The following PCSK2 variants were observed in gnomAD, a reference collection of about 807,000 sequenced individuals.
PCSK2 encodes the protein neuroendocrine convertase 2.
A neutral mutation model predicts 69.7 loss-of-function variants in PCSK2; 14 were observed. The ratio of observed to expected loss-of-function variants is 0.20; its 90% confidence interval spans 0.13 to 0.31. The LOEUF (loss-of-function observed/expected upper bound fraction) is 0.31. Among genes scored for constraint, PCSK2 ranks in the 10% least tolerant of loss-of-function variants. The probability of loss-of-function intolerance (pLI) is 1.00; values close to 1 mark genes in which losing one functional copy is unlikely to be tolerated. For missense variants in PCSK2, 544 were observed against 842.5 expected, an observed-to-expected ratio of 0.65 and a Z score of 4.39; for synonymous variants, 307 against 320.7, an observed-to-expected ratio of 0.96 and a Z score of 0.46.
At chr20:17,374,665 G>A (rs2030870168) in intron 5 of PCSK2, among the ~76,000 whole-genome samples, 2 of 152,084 alleles carry the variant, frequency 1.3e-5, no homozygotes, top group South Asian at 4.1e-4. Flanking sequence ...GAGTGGCCCA[G>A]AGAGCAAATT....
rs766423128 is a variant in PCSK2 at position 17,465,320 on chromosome 20, A to G, written c.1203-6A>G. The stretch of plus-strand genomic sequence containing the variant: ...TGCCCTCTTGCTCTCTGCTTCCTGT[A>G]TCCAGCCTGGGTCTGACCTGGCGGG... On this transcript the variant is annotated splice_region_variant and splice_polypyrimidine_tract_variant and intron_variant, in intron 10 of 11. Coordinates refer to ENST00000262545, the MANE Select transcript of PCSK2 (RefSeq NM_002594.5). 3.1e-6 allele frequency: 5 copies of G among 1,611,630 alleles called. No homozygotes were observed. The highest frequency in any genetic ancestry group is 4.2e-6 in the Non-Finnish European group (5 of 1,178,168).
At chr20:17,240,668 G>C in intron 1 of PCSK2, among the ~76,000 whole-genome samples, 1 of 152,198 alleles carries the variant, frequency 6.6e-6, no homozygotes, top group East Asian at 1.9e-4. Flanking sequence ...TGTGAGTGAG[G>C]CTGTATGTCA....
At chr20:17,352,192 A>C (rs987695653) in intron 2 of PCSK2, among the ~76,000 whole-genome samples, 1 of 152,240 alleles carries the variant, frequency 6.6e-6, no homozygotes, top group Non-Finnish European at 1.5e-5. Flanking sequence ...TGCTGAAAAA[A>C]GTCATAGATG....
At chr20:17,306,373 G>A (rs1989329044) in intron 2 of PCSK2, among the ~76,000 whole-genome samples, 1 of 152,094 alleles carries the variant, frequency 6.6e-6, no homozygotes, top group Non-Finnish European at 1.5e-5. Flanking sequence ...CCTGCATACA[G>A]ACTGATGCAG....
At chr20:17,322,120 A>G (rs1351684219) in intron 2 of PCSK2, among the ~76,000 whole-genome samples, 2 of 152,150 alleles carry the variant, frequency 1.3e-5, no homozygotes, top group Non-Finnish European at 2.9e-5. Flanking sequence ...CCCACAAAAG[A>G]AACCTGTTGA....
intron 7 of PCSK2, among the ~76,000 whole-genome samples, chr20:17,433,814 C>CTCCCCCCCCCTCTCTCT (rs1555795288): frequency 1.4e-5 from 1 of 70,838 alleles, no homozygotes; most frequent in Admixed American, 1.6e-4. Context: ...TCTCTCTCTC[C>CTCCCCCCCCCTCTCTCT]CCCCACTTCC....
chr20:17,282,414 A>G (rs1451632638), intron 2 of PCSK2, among the ~76,000 whole-genome samples: 7 of 152,180 alleles, frequency 4.6e-5, no homozygotes, highest in Non-Finnish European at 8.8e-5. Context: ...AAGAAGAAAT[A>G]TCGATTTATT....
intron 2 of PCSK2, among the ~76,000 whole-genome samples, chr20:17,313,056 G>A (rs1989566257): frequency 6.6e-6 from 1 of 151,944 alleles, no homozygotes; most frequent in Non-Finnish European, 1.5e-5. Flanking sequence ...TTTTCTAGTG[G>A]GCACATTTTA....
intron 2 of PCSK2, among the ~76,000 whole-genome samples, chr20:17,334,478 G>T (rs1990292079): frequency 6.6e-6 from 1 of 152,220 alleles, no homozygotes; most frequent in African/African-American, 2.4e-5. Context: ...AGTTAGTGGT[G>T]CTTCTCTCTC....
At chr20:17,463,220 A>G (rs914355008) in intron 10 of PCSK2, among the ~76,000 whole-genome samples, 6 of 152,226 alleles carry the variant, frequency 3.9e-5, no homozygotes, top group Admixed American at 6.5e-5. Context: ...CATCAGAAGT[A>G]CAGCCCATTT....
chr20:17,417,047 G>A (rs6044800), intron 6 of PCSK2, among the ~76,000 whole-genome samples: 124,187 of 152,028 alleles, frequency 0.82, 51,417 homozygotes, highest in African/African-American at 0.9. Flanking sequence ...TGGGGGAGGG[G>A]TAGCATTAGG....
chr20:17,348,725 T>C (rs2029886855), intron 2 of PCSK2, among the ~76,000 whole-genome samples: 2 of 152,188 alleles, frequency 1.3e-5, no homozygotes, highest in Admixed American at 6.5e-5. Context: ...TAGATGGCCG[T>C]CTTTTCCCTG....
intron 2 of PCSK2, among the ~76,000 whole-genome samples, chr20:17,268,033 G>GTATATATATATA (rs753655282): frequency 0.035 from 2,258 of 64,984 alleles, 54 homozygotes; most frequent in Non-Finnish European, 0.045. Context: ...TATCCAATGT[G>GTATATATATATA]TATATATATA....
At chr20:17,278,025 A>G (rs1376606092) in intron 2 of PCSK2, among the ~76,000 whole-genome samples, 5 of 152,172 alleles carry the variant, frequency 3.3e-5, no homozygotes, top group African/African-American at 1.2e-4. Flanking sequence ...ATGAGATACC[A>G]TCTCACACCA....
chr20:17,407,743 A>G (rs6080682), intron 5 of PCSK2, among the ~76,000 whole-genome samples: 112,784 of 151,902 alleles, frequency 0.74, 42,681 homozygotes, highest in African/African-American at 0.87. Context: ...AAAAACTGGC[A>G]ACTTGCCAGT....
intron 1 of PCSK2, among the ~76,000 whole-genome samples, chr20:17,244,446 C>T (rs1452665111): frequency 6.6e-6 from 1 of 152,194 alleles, no homozygotes; most frequent in Non-Finnish European, 1.5e-5. Flanking sequence ...TTTTGAACCT[C>T]ATTTTTCTCA....
At chr20:17,297,784 T>C (rs1988946512) in intron 2 of PCSK2, among the ~76,000 whole-genome samples, 1 of 152,240 alleles carries the variant, frequency 6.6e-6, no homozygotes, top group Admixed American at 6.5e-5. Context: ...TACTGTCTTA[T>C]TATTACATCA....
intron 5 of PCSK2, among the ~76,000 whole-genome samples, chr20:17,378,429 C>T (rs530446225): frequency 1.7e-4 from 26 of 152,272 alleles, no homozygotes; most frequent in East Asian, 7.7e-4. Flanking sequence ...TAAAGCCCTT[C>T]GACAGATTCT....
chr20:17,254,582 C>T (rs978561639), intron 1 of PCSK2, among the ~76,000 whole-genome samples: 8 of 152,238 alleles, frequency 5.3e-5, no homozygotes, highest in African/African-American at 1.9e-4. Flanking sequence ...TATGCCAGTA[C>T]CATACTACTT....
Sources: allele counts gnomAD v4.1 joint callset (sites outside exome capture counted in the v4.1 genomes callset), GRCh38; gene constraint gnomAD v4.1.1; transcripts MANE v1.5; gene names NCBI Gene and HGNC (gene_info 2026-07-23, HGNC 2026-07-21).